Variants in TM9SF3 observed in about 807,000 individuals in gnomAD.
TM9SF3 encodes the protein SM-11044-binding protein.
In TM9SF3, 14 loss-of-function variants were observed where a neutral mutation model predicts 78.6. That is an observed-to-expected ratio of 0.18 (90% CI 0.12 to 0.28). The LOEUF (loss-of-function observed/expected upper bound fraction) is 0.28. Ranked by LOEUF, TM9SF3 falls within the 10% of genes least tolerant of loss-of-function variation. TM9SF3 has a pLI of 1.00. For synonymous variants in TM9SF3, 231 were observed against 241.7 expected (o/e 0.96, Z 0.41); for missense variants, 496 against 721.9 (o/e 0.69, Z 3.59).
rs969430540 is a variant in TM9SF3 at position 96,519,763 on chromosome 10, A to G, written c.*2500T>C. 19 of 151,826 alleles carry G rather than the reference A, an allele frequency of 1.3e-4. No homozygotes were observed. The highest frequency in any genetic ancestry group is 4.6e-4 in the African/African-American group (19 of 41,390). 9.4% of individuals were successfully genotyped at this position (151,826 alleles called of 1,614,324 possible). ...GGGAGCTAAACTATTTGTGAATTAC[A>G]TCTTCTTTAAGAAGACACACACACA... On this transcript the variant is annotated 3_prime_UTR_variant, in exon 15 of 15. Coordinates refer to ENST00000371142, the MANE Select transcript of TM9SF3 (RefSeq NM_020123.4).
Position 96,540,680 on chromosome 10 carries a change from T to C in TM9SF3, c.1185+3396A>G, listed in dbSNP as rs187315134. Reference sequence around the variant, plus strand: ...ACAATGAGTCTTTGATCTTGATATCTTTATAAAATCCTTTTGCTTGCTTTA... The same window carrying C: ...ACAATGAGTCTTTGATCTTGATATCCTTATAAAATCCTTTTGCTTGCTTTA... On this transcript the variant is annotated intron_variant, in intron 9 of 14. Coordinates refer to ENST00000371142, the MANE Select transcript of TM9SF3 (RefSeq NM_020123.4). Among the ~76,000 whole-genome samples the C allele has an allele frequency of 2.0e-5, 3 of 152,090 alleles. No homozygotes were observed. In the East Asian group the frequency reaches 5.8e-4, roughly 29 times the overall value.
rs78076012 is a variant in TM9SF3 at position 96,572,175 on chromosome 10, G to C, written c.298+4459C>G. On this transcript the variant is annotated intron_variant, in intron 2 of 14. Transcript: ENST00000371142. ...TACAGACCCATGCTATGTGCTATTA[G>C]TATTCCTAATTACCACTTTTCGAAT... 2.9e-3 allele frequency among the ~76,000 whole-genome samples: 448 copies of C among 152,266 alleles called. 3 individuals are homozygous for C. Among genetic ancestry groups the C allele is most frequent in the African/African-American group, 7.6e-3 (315 of 41,542 alleles).
At chr10:96,527,172 C>T (rs1345087636) in intron 14 of TM9SF3, 41 bp downstream of exon 14, 2 of 1,533,344 alleles carry the variant, frequency 1.3e-6, no homozygotes, top group Non-Finnish European at 1.8e-6. Context: ...TTTAGAGAAA[C>T]TCAGATTTAC....
intron 1 of TM9SF3, among the ~76,000 whole-genome samples, chr10:96,582,966 G>C (rs1848588390): frequency 2.0e-5 from 3 of 151,852 alleles, no homozygotes; most frequent in Admixed American, 2.0e-4. Flanking sequence ...TGTAATCCCA[G>C]CTACTCAGGA....
At chr10:96,541,700 G>T (rs1848035173) in intron 9 of TM9SF3, among the ~76,000 whole-genome samples, 1 of 152,166 alleles carries the variant, frequency 6.6e-6, no homozygotes, top group African/African-American at 2.4e-5. Flanking sequence ...AACTTTCATA[G>T]AACAGAGAAC....
chr10:96,531,556 G>GA (rs1315096767), intron 10 of TM9SF3, among the ~76,000 whole-genome samples: 8 of 150,958 alleles, frequency 5.3e-5, no homozygotes, highest in African/African-American at 7.3e-5. Flanking sequence ...TTTGAGAGCT[G>GA]AAAAAAAAAC....
intron 5 of TM9SF3, among the ~76,000 whole-genome samples, chr10:96,557,841 G>A (rs1769254466): frequency 6.6e-6 from 1 of 152,066 alleles, no homozygotes; most frequent in African/African-American, 2.4e-5. Context: ...CCCGACCCCT[G>A]GTACTCTTGT....
chr10:96,530,485 A>G, intron 11 of TM9SF3, 55 bp downstream of exon 11: 5 of 1,437,162 alleles, frequency 3.5e-6, no homozygotes, highest in Non-Finnish European at 4.8e-6. Flanking sequence ...CTAACTCCTA[A>G]ATTGTCTTAC....
chr10:96,579,730 CTT>C (rs1178705781), intron 1 of TM9SF3, among the ~76,000 whole-genome samples: 1 of 150,348 alleles, frequency 6.7e-6, no homozygotes, highest in African/African-American at 2.5e-5. Flanking sequence ...ATGCTTTTTT[CTT>C]TTGTTTTGCT....
intron 4 of TM9SF3, chr10:96,560,922 T>C (rs773491441): frequency 2.3e-5 from 12 of 514,168 alleles, no homozygotes; most frequent in South Asian, 4.4e-5. Context: ...AAAAAGTGCA[T>C]TGAACAGTTC....
chr10:96,527,288 T>A lies in TM9SF3; in HGVS notation c.1627A>T (p.Met543Leu). 6.2e-7 allele frequency: 1 copy of A among 1,611,176 alleles called. No homozygotes were observed. The highest frequency in any genetic ancestry group is 8.5e-7 in the Non-Finnish European group (1 of 1,178,304). ...SFYYYFFKTK[M>L]YGLFQTSFYF... ...AATGATGTTTGAAATAAGCCATACA[T>A]CCTGAAATAAAACAAAATATATATA... The change falls in exon 14 of 15, where the codon ATG becomes TTG. Residue 543 changes from methionine to leucine, a missense_variant and splice_region_variant. By Grantham distance (15) the Met-to-Leu change is conservative (BLOSUM62 2). This residue lies in a region of TM9SF3 where 280 missense variants were observed against 422.6 expected (regional missense o/e 0.66). Coordinates refer to ENST00000371142, the MANE Select transcript of TM9SF3 (RefSeq NM_020123.4).
At chr10:96,537,571 G>T (rs1467602032) in intron 9 of TM9SF3, among the ~76,000 whole-genome samples, 1 of 152,210 alleles carries the variant, frequency 6.6e-6, no homozygotes, top group Non-Finnish European at 1.5e-5. Flanking sequence ...GGTGGCTCAT[G>T]CCTGTAATCC....
chr10:96,583,650 C>T (rs1034592351), intron 1 of TM9SF3, among the ~76,000 whole-genome samples: 1 of 152,216 alleles, frequency 6.6e-6, no homozygotes, highest in Admixed American at 6.5e-5. Flanking sequence ...CCTCACCTCT[C>T]TAGATTCACT....
intron 14 of TM9SF3, among the ~76,000 whole-genome samples, chr10:96,523,708 C>T (rs1847807129): frequency 1.3e-5 from 2 of 151,798 alleles, no homozygotes; most frequent in African/African-American, 2.4e-5. Context: ...CTTTAAATGA[C>T]ACTTCAGCAA....
At chr10:96,532,086 T>G (rs922672303) in intron 10 of TM9SF3, among the ~76,000 whole-genome samples, 2 of 151,890 alleles carry the variant, frequency 1.3e-5, no homozygotes, top group Non-Finnish European at 2.9e-5. Flanking sequence ...GGCGGGCACC[T>G]GTAGTCCCAG....
chr10:96,567,456 A>G (rs1301806066), intron 2 of TM9SF3, among the ~76,000 whole-genome samples: 1 of 152,120 alleles, frequency 6.6e-6, no homozygotes, highest in Non-Finnish European at 1.5e-5. Context: ...CCCAACTGAT[A>G]TATCTGCCTC....
chr10:96,578,692 T>C lies in TM9SF3; in HGVS notation c.103-1863A>G, dbSNP rs531864001. On this transcript the variant is annotated intron_variant, in intron 1 of 14. Transcript: ENST00000371142. ...CAATACTAATCAACCAAGTTACTCC[T>C]TTCTGCTGAACATAGATATTGCCTC... is the stretch of plus-strand genomic sequence containing the variant. 3.3e-5 allele frequency among the ~76,000 whole-genome samples: 5 copies of C among 152,342 alleles called. No homozygotes were observed. The East Asian group carries it at 9.6e-4, about 29-fold the overall frequency.
At chr10:96,535,996 G>A (rs1164461018) in intron 9 of TM9SF3, among the ~76,000 whole-genome samples, 1 of 152,006 alleles carries the variant, frequency 6.6e-6, no homozygotes, top group Non-Finnish European at 1.5e-5. Flanking sequence ...ATGAATGCAA[G>A]ACTGATTAAA....
intron 3 of TM9SF3, among the ~76,000 whole-genome samples, chr10:96,563,851 A>C (rs2134152041): frequency 1.3e-5 from 2 of 151,892 alleles, no homozygotes; most frequent in South Asian, 4.1e-4. Context: ...TTTTCTGACA[A>C]GGATTCTCCA....
Sources: allele counts gnomAD v4.1 joint callset (sites outside exome capture counted in the v4.1 genomes callset), GRCh38; gene constraint gnomAD v4.1.1; regional missense constraint gnomAD v4.1.1; transcripts MANE v1.5; gene names NCBI Gene and HGNC (gene_info 2026-07-23, HGNC 2026-07-21).